Variants in LRRTM3 observed in about 807,000 individuals in gnomAD.
The protein encoded by LRRTM3 is leucine-rich repeat transmembrane neuronal protein 3.
In LRRTM3, 24 loss-of-function variants were observed where a neutral mutation model predicts 44.7. The observed-to-expected ratio is 0.54, with a 90% confidence interval of 0.39 to 0.76. The LOEUF (loss-of-function observed/expected upper bound fraction) is 0.76. LRRTM3 is among the 30% of genes least tolerant of loss of function. The pLI, the probability that LRRTM3 is intolerant of heterozygous loss-of-function variation, is 0.00. For synonymous variants in LRRTM3, 277 were observed against 278.7 expected (o/e 0.99, Z 0.06); for missense variants, 587 against 702.2 (o/e 0.84, Z 1.85).
At chr10:67,033,907 G>C (rs1282201664) in intron 2 of LRRTM3, among the ~76,000 whole-genome samples, 1 of 152,056 alleles carries the variant, frequency 6.6e-6, no homozygotes, top group Admixed American at 6.6e-5. Context: ...TAATAGCTGG[G>C]ATTACAGGCT....
intron 2 of LRRTM3, among the ~76,000 whole-genome samples, chr10:67,027,145 C>T (rs1853439267): frequency 6.6e-6 from 1 of 151,738 alleles, no homozygotes; most frequent in African/African-American, 2.4e-5. Context: ...GAGTGAGTGC[C>T]CAATAAGGTG....
chr10:66,969,165 A>C (rs1333853663), intron 2 of LRRTM3, among the ~76,000 whole-genome samples: 1 of 152,154 alleles, frequency 6.6e-6, no homozygotes, highest in Non-Finnish European at 1.5e-5. Flanking sequence ...ATCAAATATT[A>C]ATAAGAAAAT....
In LRRTM3 at chr10:67,070,097, T is replaced by C. The variant is rs542273021; in HGVS notation, c.1537-27490T>C. Among the ~76,000 whole-genome samples the C allele has an allele frequency of 3.3e-5, 5 of 152,326 alleles. No homozygotes were observed. The South Asian group carries it at 1.0e-3, about 32-fold the overall frequency. On this transcript the variant is annotated intron_variant, in intron 2 of 2. Transcript: ENST00000361320. ...TTTTCATTTTAGTCATTCTCGTCAG[T>C]GTGTAGTATTATCACATTTTGACTT...
chr10:67,082,365 C>A (rs184329755), intron 2 of LRRTM3, among the ~76,000 whole-genome samples: 7 of 152,056 alleles, frequency 4.6e-5, no homozygotes, highest in South Asian at 2.1e-4. Context: ...GCACAAATTG[C>A]GATTTCGCTA....
intron 2 of LRRTM3, among the ~76,000 whole-genome samples, chr10:66,957,399 T>TATATATATGCATATATATATATGC (rs1564793793): frequency 1.9e-4 from 11 of 58,410 alleles, no homozygotes; most frequent in South Asian, 7.1e-4. Context: ...TATACATATA[T>TATATATATGCATATATATATATGC]ATATATATAT....
chr10:66,981,184 G>A (rs867594130), intron 2 of LRRTM3, among the ~76,000 whole-genome samples: 4 of 152,182 alleles, frequency 2.6e-5, no homozygotes, highest in East Asian at 3.9e-4. Flanking sequence ...GATTACAGGC[G>A]TGAGCCACCG....
At chr10:66,975,551 G>A (rs568945466) in intron 2 of LRRTM3, among the ~76,000 whole-genome samples, 218 of 152,194 alleles carry the variant, frequency 1.4e-3, no homozygotes, top group Middle Eastern at 0.014. Context: ...ATTGGGAAGC[G>A]GTCTGTCTTT....
chr10:67,001,453 G>C (rs573052118), intron 2 of LRRTM3, among the ~76,000 whole-genome samples: 1 of 151,860 alleles, frequency 6.6e-6, no homozygotes, highest in East Asian at 1.9e-4. Context: ...GACAGGGGTG[G>C]GGGACAGAAG....
At chr10:67,070,132 T>G (rs1480760805) in intron 2 of LRRTM3, among the ~76,000 whole-genome samples, 1 of 152,204 alleles carries the variant, frequency 6.6e-6, no homozygotes, top group Non-Finnish European at 1.5e-5. Flanking sequence ...TAATTTGCAT[T>G]AGTATAATGA....
chr10:67,075,194 A>ACACACACACT (rs1856684600), intron 2 of LRRTM3, among the ~76,000 whole-genome samples: 1 of 152,152 alleles, frequency 6.6e-6, no homozygotes, highest in African/African-American at 2.4e-5. Flanking sequence ...ACACACTCAC[A>ACACACACACT]CACTACTATT....
rs538826516 is a variant in LRRTM3, at chr10:66,928,093, C to G, written c.1177C>G (p.Pro393Ala). The part of the protein sequence containing the change: ...KLPRPKHESK[P>A]PLPPTVGATE... ...CCCCAGGCCGAAGCATGAGAGCAAA[C>G]CCCCTTTGCCCCCGACGGTGGGAGC... Residue 393 changes from proline (P) to alanine (A), a missense_variant, in exon 2 of 3, where the codon CCC (proline) becomes GCC (alanine). Around this residue, in one of 3 missense-constraint regions of LRRTM3, gnomAD observed 315 missense variants for 335.6 expected, o/e 0.94. Transcript: ENST00000361320. 5 of 1,614,064 alleles carry G rather than the reference C, an allele frequency of 3.1e-6. No homozygotes were observed. The highest frequency in any genetic ancestry group is 4.2e-6 in the Non-Finnish European group (5 of 1,180,032).
intron 2 of LRRTM3, among the ~76,000 whole-genome samples, chr10:67,039,027 A>G (rs183087379): frequency 5.0e-4 from 76 of 152,234 alleles, no homozygotes; most frequent in Admixed American, 8.5e-4. Context: ...AATTCGTGTT[A>G]GAAAGGACTT....
intron 2 of LRRTM3, among the ~76,000 whole-genome samples, chr10:67,014,668 G>T (rs1420818666): frequency 6.6e-6 from 1 of 151,872 alleles, no homozygotes; most frequent in Non-Finnish European, 1.5e-5. Context: ...TTAAAAGAAT[G>T]ACTATTCTTT....
chr10:67,070,253 G>A (rs1856366314), intron 2 of LRRTM3, among the ~76,000 whole-genome samples: 8 of 151,944 alleles, frequency 5.3e-5, no homozygotes, highest in Admixed American at 4.6e-4. Flanking sequence ...ATTGTCTTTT[G>A]TCTTTATCTT....
chr10:66,963,497 AAT>A (rs1304692650), intron 2 of LRRTM3, among the ~76,000 whole-genome samples: 2 of 152,176 alleles, frequency 1.3e-5, no homozygotes, highest in African/African-American at 4.8e-5. Flanking sequence ...GTGAGCAAAT[AAT>A]AGTGTACTTA....
At chr10:66,993,714 T>C (rs911639041) in intron 2 of LRRTM3, among the ~76,000 whole-genome samples, 2 of 149,278 alleles carry the variant, frequency 1.3e-5, no homozygotes, top group Admixed American at 1.3e-4. Context: ...AAAAAACAGA[T>C]AAAACCTCCA....
At chr10:67,038,640 C>T (rs1039583125) in intron 2 of LRRTM3, among the ~76,000 whole-genome samples, 85 of 152,116 alleles carry the variant, frequency 5.6e-4, no homozygotes, top group African/African-American at 1.8e-3. Flanking sequence ...GTCTTTCAAC[C>T]AAGTACTTGT....
chr10:66,945,746 G>A (rs914176425), intron 2 of LRRTM3, among the ~76,000 whole-genome samples: 4 of 152,050 alleles, frequency 2.6e-5, no homozygotes, highest in Non-Finnish European at 5.9e-5. Flanking sequence ...AGATAAATGT[G>A]ACTCTCTTTT....
chr10:66,978,917 G>A (rs906516491), intron 2 of LRRTM3, among the ~76,000 whole-genome samples: 3 of 148,018 alleles, frequency 2.0e-5, no homozygotes, highest in African/African-American at 7.5e-5. Context: ...CTTGACTAGC[G>A]ACAAGTCCCT....
Sources: gnomAD v4.1 joint callset for allele counts (sites outside exome capture counted in the v4.1 genomes callset) on GRCh38, gnomAD v4.1.1 for gene constraint, gnomAD v4.1.1 regional missense constraint, MANE v1.5 for transcripts, NCBI Gene and HGNC (gene_info 2026-07-23, HGNC 2026-07-21) for gene names.